NOL9: variants seen among roughly 807,000 people sequenced by gnomAD.
The protein encoded by NOL9 is polynucleotide 5'-hydroxyl-kinase NOL9.
Under a neutral mutation model 67.9 loss-of-function variants are expected in NOL9, and 28 were observed. The ratio of observed to expected loss-of-function variants is 0.41; its 90% CI spans 0.31 to 0.57. The LOEUF is 0.57. Ranked by LOEUF, NOL9 falls within the 20% of genes least tolerant of loss-of-function variation. The pLI is 0.25. For missense variants in NOL9, 777 were observed against 897.0 expected, an observed-to-expected ratio of 0.87 and a Z score of 1.71; for synonymous variants, 356 against 352.2, an observed-to-expected ratio of 1.01 and a Z score of -0.12.
Position 6,545,111 on chromosome 1 carries a change from T to C in NOL9, c.814A>G (p.Arg272Gly). The C allele has an allele frequency of 6.2e-7, 1 of 1,614,098 alleles. No individual in the cohort carries two copies. The highest frequency in any genetic ancestry group is 1.7e-5 in the Admixed American group (1 of 60,010). ...RSVGIRREKK[R>G]KGLQLTESTL... ...CTCTCAGTTAACTGAAGGCCTTTCCTTTTTTTCTCTCTTCTGATGCCAACA... is the reference window on the plus strand; with the variant it reads ...CTCTCAGTTAACTGAAGGCCTTTCCCTTTTTTCTCTCTTCTGATGCCAACA... Residue 272 changes from arginine to glycine, a missense_variant, in exon 4 of 12, where the codon AGG (arginine) becomes GGG (glycine). Arg to Gly is a moderately radical substitution (Grantham distance 125, BLOSUM62 -2). Around this residue, in one of 2 missense-constraint regions of NOL9, gnomAD observed 413 missense variants for 552.6 expected, o/e 0.75. Transcript: ENST00000377705.
chr1:6,546,530 G>A (rs1379646544), intron 3 of NOL9, among the ~76,000 whole-genome samples: 1 of 152,150 alleles, frequency 6.6e-6, no homozygotes, highest in Admixed American at 6.5e-5. Flanking sequence ...AGTGCAGCAG[G>A]AAATAATCAG....
chr1:6,532,848 G>A (rs753349860), intron 7 of NOL9, 88 bp from the exon 8 acceptor site: 16 of 1,205,408 alleles, frequency 1.3e-5, no homozygotes, highest in Non-Finnish European at 1.8e-5. Flanking sequence ...ACAAATGGAT[G>A]CATTTGTTCT....
At chr1:6,537,919 T>C (rs10864617) in intron 6 of NOL9, among the ~76,000 whole-genome samples, 145,236 of 148,170 alleles carry the variant, frequency 0.98, 71,263 homozygotes, top group East Asian at 1. Context: ...GTCAGGAGAT[T>C]GAGACCATCC....
At chr1:6,527,638 AC>A (rs755279521) in intron 10 of NOL9, among the ~76,000 whole-genome samples, 3,523 of 17,426 alleles carry the variant, frequency 0.2, 81 homozygotes, top group Admixed American at 0.28. Flanking sequence ...ACAAAACAAA[AC>A]AAAAAAAAAA....
intron 6 of NOL9, among the ~76,000 whole-genome samples, chr1:6,535,915 C>T (rs1477582120): frequency 3.9e-5 from 5 of 126,680 alleles, no homozygotes; most frequent in South Asian, 2.7e-4. Flanking sequence ...GCAGCAAGAG[C>T]GAAACTCCAT....
Position 6,553,857 on chromosome 1 carries a change from G to GA in NOL9, c.396+249dup, listed in dbSNP as rs1639600241. Among the ~76,000 whole-genome samples, 4 of 151,716 alleles carry GA rather than the reference G, an allele frequency of 2.6e-5. No homozygotes were observed. The South Asian group carries it at 6.4e-4, about 24-fold the overall frequency. ...ACTCTGTCTCAAAAAGAAAAAGAAA[G>GA]AAAGAAAACAAAACAAAATAAAGTC... is the stretch of plus-strand genomic sequence containing the variant. On this transcript the variant is annotated intron_variant, in intron 1 of 11. Coordinates refer to ENST00000377705, the MANE Select transcript of NOL9 (RefSeq NM_024654.5).
intron 5 of NOL9, 126 bp downstream of exon 5, chr1:6,544,700 C>T: frequency 2.2e-6 from 2 of 915,782 alleles, no homozygotes; most frequent in Non-Finnish European, 1.7e-6. Context: ...GATGCTTCAG[C>T]TGGGCAGCTT....
In NOL9 at chr1:6,554,407, C is replaced by T. The variant is rs551224810; in HGVS notation, c.96G>A (p.Arg32=). 2.0e-6 allele frequency: 3 copies of T among 1,507,228 alleles called. No individual in the cohort carries two copies. Among genetic ancestry groups the T allele is most frequent in the East Asian group, 2.7e-5 (1 of 36,884 alleles). 93.4% of individuals were successfully genotyped at this position (1,507,228 alleles called of 1,614,324 possible). Reference sequence around the variant, plus strand: ...GCAGGCTCCCGAGCCGGCGGCGGGGCCGGCGGCTGAGGATGAGCTGGGGCC... The same window carrying T: ...GCAGGCTCCCGAGCCGGCGGCGGGGTCGGCGGCTGAGGATGAGCTGGGGCC... ...KARPQLILSR[R]PRRRLGSLRW... The change falls in exon 1 of 12, where the codon CGG becomes CGA. Residue 32 remains arginine (R), a synonymous_variant. Transcript: ENST00000377705.
intron 1 of NOL9, 69 bp from the exon 2 acceptor site, chr1:6,550,684 T>TTC (rs1639526718): frequency 5.9e-6 from 2 of 341,566 alleles, no homozygotes; most frequent in Admixed American, 1.1e-4. Flanking sequence ...TTCTAAAATC[T>TTC]TTTTTTTTTT....
chr1:6,533,089 T>G (rs1051224396), intron 7 of NOL9, among the ~76,000 whole-genome samples, 191 bp downstream of exon 7: 1 of 152,096 alleles, frequency 6.6e-6, no homozygotes, highest in African/African-American at 2.4e-5. Flanking sequence ...GTGGGAGGAT[T>G]GTTTGAGCCT....
Position 6,533,694 on chromosome 1 carries a change from G to A in NOL9, c.1076-253C>T, listed in dbSNP as rs563688772. On this transcript the variant is annotated intron_variant, in intron 6 of 11. Coordinates refer to ENST00000377705, the MANE Select transcript of NOL9 (RefSeq NM_024654.5). ...GTCCTAACATGGCCATTCATTCAGC[G>A]AACACACAAATCTGCTAACTGCTGG... 7.9e-5 allele frequency among the ~76,000 whole-genome samples: 12 copies of A among 152,218 alleles called. No individual in the cohort carries two copies. In the South Asian group the frequency reaches 2.1e-3, roughly 26 times the overall value.
At chr1:6,536,139 G>A (rs10864615) in intron 6 of NOL9, among the ~76,000 whole-genome samples, 122,568 of 151,776 alleles carry the variant, frequency 0.81, 50,337 homozygotes, top group Non-Finnish European at 0.87. Context: ...CAGGTCAGGA[G>A]ATCGAGACCA....
chr1:6,550,277 C>T (rs113812945), intron 2 of NOL9, 119 bp downstream of exon 2: 8,914 of 788,994 alleles, frequency 0.011, 87 homozygotes, highest in Middle Eastern at 0.042. Flanking sequence ...ATGATCCGCC[C>T]GCCTTGGCCT....
At chr1:6,536,913 A>G (rs534050136) in intron 6 of NOL9, among the ~76,000 whole-genome samples, 1 of 152,298 alleles carries the variant, frequency 6.6e-6, no homozygotes, top group South Asian at 2.1e-4. Flanking sequence ...TGGGAAGCTA[A>G]GGCAGATCAC....
At chr1:6,538,391 G>C (rs1233150687) in intron 6 of NOL9, among the ~76,000 whole-genome samples, 2 of 152,184 alleles carry the variant, frequency 1.3e-5, no homozygotes, top group Non-Finnish European at 2.9e-5. Flanking sequence ...TGCAGGCTGG[G>C]ACCGGATGCC....
At chr1:6,533,687 A>G (rs1202172891) in intron 6 of NOL9, among the ~76,000 whole-genome samples, 2 of 152,260 alleles carry the variant, frequency 1.3e-5, no homozygotes, top group Non-Finnish European at 2.9e-5. Flanking sequence ...ATGGCCATTC[A>G]TTCAGCGAAC....
At chr1:6,526,671 G>C (rs780619233) in intron 11 of NOL9, 25 bp downstream of exon 11, 2 of 1,597,388 alleles carry the variant, frequency 1.3e-6, no homozygotes, top group Non-Finnish European at 1.7e-6. Context: ...GCTCCTTCCA[G>C]GGCTGTGCCC....
Position 6,522,640 on chromosome 1 carries a change from CT to C in NOL9, c.*3213del, listed in dbSNP as rs920613011. The stretch of plus-strand genomic sequence containing the variant: ...GTGGCTCACGCCTGTAATCCCAGCA[CT>C]TTCGGAGGCCAAGGCGGGCGGATCA... On this transcript the variant is annotated 3_prime_UTR_variant, in exon 12 of 12. Transcript: ENST00000377705. 22 of 151,920 alleles carry C rather than the reference CT, an allele frequency of 1.4e-4. No individual in the cohort carries two copies. The highest frequency in any genetic ancestry group is 4.8e-4 in the African/African-American group (20 of 41,348). 9.4% of individuals were successfully genotyped at this position (151,920 alleles called of 1,614,324 possible).
At chr1:6,526,310 C>G (rs1195224943) in intron 11 of NOL9, among the ~76,000 whole-genome samples, 2 of 152,136 alleles carry the variant, frequency 1.3e-5, no homozygotes, top group Non-Finnish European at 2.9e-5. Flanking sequence ...GAATATCCCC[C>G]GTTCCCAGAG....
Sources: allele counts gnomAD v4.1 joint callset (sites outside exome capture counted in the v4.1 genomes callset), GRCh38; gene constraint gnomAD v4.1.1; regional missense constraint gnomAD v4.1.1; transcripts MANE v1.5; gene names NCBI Gene and HGNC (gene_info 2026-07-23, HGNC 2026-07-21).